The following ATOSA variants were observed in gnomAD, a reference collection of about 807,000 sequenced individuals.
The protein encoded by ATOSA is atos homolog protein A.
chr15:52,601,644 C>T, the ATOSA span, among the ~76,000 whole-genome samples: 1 of 152,020 alleles, frequency 6.6e-6, no homozygotes, highest in African/African-American at 2.4e-5. Context: ...TAATGCTTTA[C>T]AGAGAATAGA....
the ATOSA span, among the ~76,000 whole-genome samples, chr15:52,686,076 G>C: frequency 1.3e-5 from 2 of 152,128 alleles, no homozygotes; most frequent in Non-Finnish European, 2.9e-5. Context: ...ATACTTATTA[G>C]AGGGTCACAC....
the ATOSA span, among the ~76,000 whole-genome samples, chr15:52,698,796 T>G: frequency 3.3e-5 from 5 of 152,162 alleles, no homozygotes; most frequent in Non-Finnish European, 1.5e-5. Flanking sequence ...GTTATACAGA[T>G]GTATACATAA....
At chr15:52,693,158 G>T in the ATOSA span, among the ~76,000 whole-genome samples, 1 of 152,164 alleles carries the variant, frequency 6.6e-6, no homozygotes, top group East Asian at 1.9e-4. Context: ...GGTGGCTCAT[G>T]CCTGTAATCT....
the ATOSA span, among the ~76,000 whole-genome samples, chr15:52,620,301 C>G: frequency 1.3e-5 from 2 of 152,158 alleles, no homozygotes; most frequent in Non-Finnish European, 2.9e-5. Context: ...TAGGCTTGTT[C>G]TCAGGTTTTT....
At chr15:52,585,204 A>G in the ATOSA span, 1 of 296,972 alleles carries the variant, frequency 3.4e-6, no homozygotes, top group Non-Finnish European at 6.2e-6. Context: ...TCATATATAT[A>G]AATTTTACTC....
the ATOSA span, among the ~76,000 whole-genome samples, chr15:52,588,711 C>A: frequency 4.6e-5 from 7 of 152,194 alleles, no homozygotes; most frequent in African/African-American, 1.7e-4. Flanking sequence ...CTCTGCCACC[C>A]AAAGTGCTGG....
At chr15:52,629,230 C>G in the ATOSA span, among the ~76,000 whole-genome samples, 2 of 152,040 alleles carry the variant, frequency 1.3e-5, no homozygotes, top group African/African-American at 4.8e-5. Context: ...AAGTTTACAG[C>G]AAAACTGAGT....
At chr15:52,622,983 A>G in the ATOSA span, among the ~76,000 whole-genome samples, 1 of 130,830 alleles carries the variant, frequency 7.6e-6, no homozygotes, top group Non-Finnish European at 1.6e-5. Flanking sequence ...ATAAATAAAT[A>G]AATAAATAAA....
chr15:52,628,603 A>C, the ATOSA span, among the ~76,000 whole-genome samples: 3 of 152,210 alleles, frequency 2.0e-5, no homozygotes, highest in Non-Finnish European at 4.4e-5. Context: ...AATGTGATAT[A>C]GTTTTTTAAA....
the ATOSA span, among the ~76,000 whole-genome samples, chr15:52,649,133 C>A: frequency 2.0e-5 from 3 of 152,116 alleles, no homozygotes; most frequent in African/African-American, 7.2e-5. Context: ...AAAAGCAATA[C>A]AGTTTATGCA....
chr15:52,704,697 G>C, the ATOSA span, among the ~76,000 whole-genome samples: 1 of 152,144 alleles, frequency 6.6e-6, no homozygotes, highest in Non-Finnish European at 1.5e-5. Flanking sequence ...GTGGGCAAAA[G>C]ATATGAACAG....
the ATOSA span, among the ~76,000 whole-genome samples, chr15:52,662,619 A>G: frequency 3.9e-5 from 6 of 151,986 alleles, no homozygotes; most frequent in African/African-American, 9.7e-5. Flanking sequence ...AAATACAAAA[A>G]ATTAGCAGGG....
chr15:52,667,046 A>G, the ATOSA span, among the ~76,000 whole-genome samples: 8 of 152,216 alleles, frequency 5.3e-5, no homozygotes, highest in African/African-American at 1.9e-4. Context: ...TGACTGAAGA[A>G]TAACAGGACT....
At chr15:52,605,006 A>T in the ATOSA span, 1 of 654,678 alleles carries the variant, frequency 1.5e-6, no homozygotes, top group Non-Finnish European at 2.5e-6. Flanking sequence ...ATCAAAAAAT[A>T]AAATGTTTCC....
chr15:52,650,498 T>C, the ATOSA span, among the ~76,000 whole-genome samples: 1 of 152,160 alleles, frequency 6.6e-6, no homozygotes, highest in Non-Finnish European at 1.5e-5. Context: ...ATCTTTTTAA[T>C]ACAAATGTTA....
chr15:52,686,779 C>T, the ATOSA span, among the ~76,000 whole-genome samples: 1 of 152,148 alleles, frequency 6.6e-6, no homozygotes, highest in Non-Finnish European at 1.5e-5. Flanking sequence ...GGAGCTCAAG[C>T]GGTCCTCCTA....
chr15:52,612,755 A>G, the ATOSA span, among the ~76,000 whole-genome samples: 2 of 151,944 alleles, frequency 1.3e-5, no homozygotes, highest in Non-Finnish European at 2.9e-5. Flanking sequence ...CACCCTCCTC[A>G]GCTTCCCAAA....
the ATOSA span, chr15:52,586,961 T>C: frequency 1.3e-5 from 15 of 1,182,224 alleles, no homozygotes; most frequent in East Asian, 1.9e-4. Flanking sequence ...TTGATTAGCT[T>C]ATTAATGCTT....
chr15:52,702,571 C>A, the ATOSA span, among the ~76,000 whole-genome samples: 1 of 151,884 alleles, frequency 6.6e-6, no homozygotes, highest in African/African-American at 2.4e-5. Context: ...TACTCATGGA[C>A]ATAGAGATGA....
Sources: allele counts gnomAD v4.1 joint callset (sites outside exome capture counted in the v4.1 genomes callset), GRCh38; gene constraint gnomAD v4.1.1; transcripts MANE v1.5; gene names NCBI Gene and HGNC (gene_info 2026-07-23, HGNC 2026-07-21).